Variants in RARB observed in about 807,000 individuals in gnomAD.
RARB encodes retinoic acid receptor beta.
A neutral mutation model predicts 51.9 loss-of-function variants in RARB; 17 were observed. That is an observed-to-expected ratio of 0.33 (90% CI 0.22 to 0.49). RARB has a LOEUF of 0.49. RARB is among the 20% of genes least tolerant of loss of function. The probability of loss-of-function intolerance (pLI) is 0.99; values close to 1 mark genes in which losing one functional copy is unlikely to be tolerated. For missense variants in RARB, 369 were observed against 550.8 expected, an observed-to-expected ratio of 0.67 and a Z score of 3.30; for synonymous variants, 215 against 195.4, an observed-to-expected ratio of 1.10 and a Z score of -0.84.
chr3:25,312,827 C>T lies in RARB; in HGVS notation c.178+138252C>T, dbSNP rs80046677. 8.6e-3 allele frequency among the ~76,000 whole-genome samples: 1,314 copies of T among 152,314 alleles called. 11 individuals are homozygous for T. Among genetic ancestry groups the T allele is most frequent in the Middle Eastern group, 0.024 (7 of 294 alleles). On this transcript the variant is annotated intron_variant, in intron 5 of 11. Transcript: ENST00000383772. ...GAGGAACTTGGGAGCAGCTGTCCCT[C>T]GCGGATAGACATGAGCTCTCTGGTT...
intron 2 of RARB, among the ~76,000 whole-genome samples, chr3:24,974,061 T>C (rs1028366781): frequency 3.9e-5 from 6 of 152,050 alleles, no homozygotes; most frequent in African/African-American, 1.4e-4. Flanking sequence ...AATTTTTCCC[T>C]GTACAATATG....
intron 2 of RARB, among the ~76,000 whole-genome samples, chr3:24,971,118 A>G (rs1171333971): frequency 6.6e-6 from 1 of 151,980 alleles, no homozygotes; most frequent in African/African-American, 2.4e-5. Flanking sequence ...AACAGGTGAG[A>G]TCATATAAAT....
At chr3:24,894,925 T>C (rs1703448640) in intron 2 of RARB, among the ~76,000 whole-genome samples, 2 of 152,168 alleles carry the variant, frequency 1.3e-5, no homozygotes, top group African/African-American at 4.8e-5. Context: ...CAGATGAGTT[T>C]TGTCAAAAGA....
intron 5 of RARB, among the ~76,000 whole-genome samples, chr3:25,301,843 G>A (rs1242910193): frequency 6.6e-6 from 1 of 152,142 alleles, no homozygotes; most frequent in East Asian, 1.9e-4. Flanking sequence ...CAGACCATTG[G>A]TGTCAGCACT....
intron 5 of RARB, among the ~76,000 whole-genome samples, chr3:25,247,095 A>G (rs879499824): frequency 4.6e-5 from 7 of 152,340 alleles, no homozygotes; most frequent in Non-Finnish European, 8.8e-5. Context: ...CCCAGTCAGA[A>G]CTAGCTGGGA....
chr3:25,548,645 A>AAG (rs1431707068), intron 3 of RARB, among the ~76,000 whole-genome samples: 3 of 148,320 alleles, frequency 2.0e-5, no homozygotes, highest in Admixed American at 2.0e-4. Context: ...CCCCCGACAA[A>AAG]AAAAAAAAAA....
intron 5 of RARB, 54 bp downstream of exon 5, chr3:25,580,776 G>A: frequency 6.8e-7 from 1 of 1,476,152 alleles, no homozygotes; most frequent in Non-Finnish European, 9.2e-7. Flanking sequence ...AGGGCACCGT[G>A]GAGGGGAGGG....
chr3:25,263,286 C>T (rs1275285215), intron 5 of RARB, among the ~76,000 whole-genome samples: 1 of 152,252 alleles, frequency 6.6e-6, no homozygotes, highest in African/African-American at 2.4e-5. Flanking sequence ...TTAGTCTTTA[C>T]AACAGTCTTC....
intron 2 of RARB, among the ~76,000 whole-genome samples, chr3:24,888,776 A>G (rs1372713418): frequency 1.3e-5 from 2 of 152,168 alleles, no homozygotes; most frequent in Non-Finnish European, 2.9e-5. Flanking sequence ...TGTGGAAAGA[A>G]GTGAGAGGTG....
rs114485501 is a variant in RARB, at chr3:25,084,686, A to T, written c.-328+24510A>T. Among the ~76,000 whole-genome samples the T allele has an allele frequency of 9.4e-3, 1,431 of 151,434 alleles. 31 individuals are homozygous for T. Among genetic ancestry groups the T allele is most frequent in the African/African-American group, 0.033 (1,363 of 41,288 alleles). ...GCAGAAAATGAAGGATAATGTTTTG[A>T]TATTATCTCTTACTGCTATTGCATT... On this transcript the variant is annotated intron_variant, in intron 3 of 11. Coordinates refer to the RARB transcript ENST00000383772.
At chr3:24,894,787 G>T (rs187594070) in intron 2 of RARB, among the ~76,000 whole-genome samples, 1 of 152,238 alleles carries the variant, frequency 6.6e-6, no homozygotes, top group East Asian at 1.9e-4. Flanking sequence ...GTGTTTAGGG[G>T]TCAGAGAAAC....
chr3:25,306,877 T>C (rs1235075249), intron 5 of RARB, among the ~76,000 whole-genome samples: 1 of 152,166 alleles, frequency 6.6e-6, no homozygotes, highest in Admixed American at 6.5e-5. Flanking sequence ...CTATTTGAAT[T>C]GTCTGCTTGG....
intron 2 of RARB, among the ~76,000 whole-genome samples, chr3:24,994,822 T>C (rs1041893918): frequency 1.3e-5 from 2 of 152,118 alleles, no homozygotes; most frequent in Non-Finnish European, 2.9e-5. Context: ...GATTTGTACC[T>C]GGATTTTCTA....
At chr3:25,091,188 A>G (rs531647833) in intron 3 of RARB, among the ~76,000 whole-genome samples, 5 of 152,248 alleles carry the variant, frequency 3.3e-5, no homozygotes, top group East Asian at 1.9e-4. Context: ...CAATAAAGAG[A>G]TCTGTACAAG....
chr3:25,130,493 A>C (rs1026599501), intron 3 of RARB, among the ~76,000 whole-genome samples: 5 of 151,928 alleles, frequency 3.3e-5, no homozygotes, highest in Non-Finnish European at 7.4e-5. Flanking sequence ...TTTTTTAATA[A>C]AATAGTGGCC....
chr3:25,103,568 T>G (rs539786035), intron 3 of RARB, among the ~76,000 whole-genome samples: 23 of 152,332 alleles, frequency 1.5e-4, no homozygotes, highest in African/African-American at 5.5e-4. Flanking sequence ...CATGAAAGTT[T>G]TGCCCCCAGG....
At chr3:25,078,705 A>C (rs1319194875) in intron 3 of RARB, among the ~76,000 whole-genome samples, 1 of 151,822 alleles carries the variant, frequency 6.6e-6, no homozygotes, top group Non-Finnish European at 1.5e-5. Context: ...CTAATTTTGT[A>C]TTTTTAGTAG....
intron 2 of RARB, among the ~76,000 whole-genome samples, chr3:24,997,941 C>A (rs752320275): frequency 8.5e-5 from 13 of 152,154 alleles, no homozygotes; most frequent in East Asian, 1.9e-4. Flanking sequence ...TTATTTAAAT[C>A]TTTACAATAA....
chr3:25,474,219 T>C (rs1695844830), intron 2 of RARB, among the ~76,000 whole-genome samples: 1 of 152,160 alleles, frequency 6.6e-6, no homozygotes, highest in Non-Finnish European at 1.5e-5. Flanking sequence ...AGGAAAATTA[T>C]CCTTATTAGT....
Sources: gnomAD v4.1 joint callset for allele counts (sites outside exome capture counted in the v4.1 genomes callset) on GRCh38, gnomAD v4.1.1 for gene constraint, MANE v1.5 for transcripts, NCBI Gene and HGNC (gene_info 2026-07-23, HGNC 2026-07-21) for gene names.